The following GRIP1 variants were observed in gnomAD, a reference collection of about 807,000 sequenced individuals.
GRIP1 encodes glutamate receptor-interacting protein 1.
GRIP1 carries 45 observed loss-of-function variants against 129.9 expected under a neutral mutation model. The ratio of observed to expected loss-of-function variants is 0.35; its 90% CI spans 0.27 to 0.44. GRIP1 has a LOEUF of 0.44. Ranked by LOEUF, GRIP1 falls within the 20% of genes least tolerant of loss-of-function variation. The probability of loss-of-function intolerance (pLI) is 1.00; values close to 1 mark genes in which losing one functional copy is unlikely to be tolerated. For synonymous variants in GRIP1, 530 were observed against 520.8 expected, an observed-to-expected ratio of 1.02 and a Z score of -0.24; for missense variants, 1,196 against 1,396.8, an observed-to-expected ratio of 0.86 and a Z score of 2.29.
At chr12:66,698,984 G>A (rs941108484) in intron 1 of GRIP1, among the ~76,000 whole-genome samples, 3 of 152,148 alleles carry the variant, frequency 2.0e-5, no homozygotes, top group Non-Finnish European at 4.4e-5. Flanking sequence ...AGCAGGCTCA[G>A]TAAATGCCAG....
upstream of GRIP1, among the ~76,000 whole-genome samples, chr12:66,679,974 C>G (rs2034521152): frequency 6.6e-6 from 1 of 152,110 alleles, no homozygotes; most frequent in African/African-American, 2.4e-5. Context: ...CCAGCAGCAG[C>G]CTGCTCGCCA....
intron 1 of GRIP1, among the ~76,000 whole-genome samples, chr12:66,759,650 TTGC>T (rs1384867505): frequency 6.6e-6 from 1 of 152,208 alleles, no homozygotes; most frequent in African/African-American, 2.4e-5. Context: ...TTTGAATGCT[TTGC>T]TGCTTAGAAG....
chr12:66,767,735 T>G (rs1191404052), intron 1 of GRIP1, among the ~76,000 whole-genome samples: 18 of 152,088 alleles, frequency 1.2e-4, no homozygotes, highest in Admixed American at 1.2e-3. Flanking sequence ...GTGACTCAAT[T>G]GAGATGTAGG....
At chr12:66,600,754 T>C (rs1353700022) in intron 1 of GRIP1, among the ~76,000 whole-genome samples, 3 of 152,228 alleles carry the variant, frequency 2.0e-5, no homozygotes, top group Non-Finnish European at 4.4e-5. Flanking sequence ...ATTATGATTT[T>C]CATAGCAGAC....
At chr12:66,497,864 C>T (rs1380627243) in intron 7 of GRIP1, among the ~76,000 whole-genome samples, 2 of 152,154 alleles carry the variant, frequency 1.3e-5, no homozygotes, top group African/African-American at 4.8e-5. Context: ...TGAAGAATCA[C>T]AAAAGAAGTG....
At chr12:66,842,932 C>A (rs1008688424) in intron 1 of GRIP1, among the ~76,000 whole-genome samples, 4 of 151,958 alleles carry the variant, frequency 2.6e-5, no homozygotes, top group Admixed American at 6.6e-5. Context: ...CTGTAGGACC[C>A]CTTGATATAA....
intron 2 of GRIP1, among the ~76,000 whole-genome samples, chr12:66,594,248 C>T (rs548759325): frequency 1.3e-5 from 2 of 151,952 alleles, no homozygotes; most frequent in African/African-American, 4.8e-5. Context: ...CATTGGTGCA[C>T]TTTTCTCTAG....
At chr12:66,573,828 G>A (rs1417538681) in intron 2 of GRIP1, among the ~76,000 whole-genome samples, 1 of 152,128 alleles carries the variant, frequency 6.6e-6, no homozygotes, top group Non-Finnish European at 1.5e-5. Flanking sequence ...AGAGCAACAG[G>A]TGCTGCCTCC....
chr12:66,419,317 C>G (rs528057503), intron 15 of GRIP1, among the ~76,000 whole-genome samples: 1 of 151,750 alleles, frequency 6.6e-6, no homozygotes, highest in South Asian at 2.1e-4. Context: ...GTGGGGGGGT[C>G]AGCGTGGGGA....
At position 66,678,932 on chromosome 12, in the gene GRIP1, T is replaced by A. The variant is rs193182230; in HGVS notation, c.-28A>T. The A allele has an allele frequency of 6.2e-7, 1 of 1,613,060 alleles. No individual in the cohort carries two copies. The highest frequency in any genetic ancestry group is 1.1e-5 in the South Asian group (1 of 91,070). ...TTGCTCACTGCTTTCTGTGGCAAAG[T>A]GTACTCAAGGCTCTCTGCTCTGGTG... On this transcript the variant is annotated 5_prime_UTR_variant, in exon 1 of 25. Coordinates refer to ENST00000359742, the MANE Select transcript of GRIP1 (RefSeq NM_001366722.1).
At chr12:66,516,387 C>T (rs1409045726) in intron 6 of GRIP1, among the ~76,000 whole-genome samples, 1 of 152,102 alleles carries the variant, frequency 6.6e-6, no homozygotes, top group Non-Finnish European at 1.5e-5. Flanking sequence ...AAAGTACAGC[C>T]AGGGTGGCCC....
At chr12:67,030,184 C>G (rs6581731) in intron 1 of GRIP1, among the ~76,000 whole-genome samples, 1 of 150,418 alleles carries the variant, frequency 6.6e-6, no homozygotes, top group Admixed American at 6.6e-5. Flanking sequence ...GCACTCCAGC[C>G]TGGGTAACAG....
Position 66,679,045 on chromosome 12 carries a change from T to C in GRIP1, c.-141A>G. On this transcript the variant is annotated 5_prime_UTR_variant, in exon 1 of 25. Transcript: ENST00000359742. ...GGGAGTGACAAAGCTTAATTCCTCT[T>C]GGCTGATGCAGAGGTCCGCTACATG... is the stretch of plus-strand genomic sequence containing the variant. 1 of 1,544,518 alleles carries C rather than the reference T, an allele frequency of 6.5e-7. No homozygotes were observed. Among genetic ancestry groups the C allele is most frequent in the Non-Finnish European group, 8.7e-7 (1 of 1,144,518 alleles).
At chr12:66,669,111 T>C (rs1390267379) in intron 1 of GRIP1, among the ~76,000 whole-genome samples, 1 of 152,092 alleles carries the variant, frequency 6.6e-6, no homozygotes, top group African/African-American at 2.4e-5. Context: ...CCCGGAGATC[T>C]TTAAAAATTG....
intron 9 of GRIP1, among the ~76,000 whole-genome samples, chr12:66,456,563 T>A (rs2058970047): frequency 6.6e-6 from 1 of 152,076 alleles, no homozygotes; most frequent in Admixed American, 6.5e-5. Flanking sequence ...CCAAGAATAA[T>A]GCATATCTTT....
At chr12:66,737,816 G>C (rs962272585) in intron 1 of GRIP1, among the ~76,000 whole-genome samples, 2 of 152,090 alleles carry the variant, frequency 1.3e-5, no homozygotes, top group Non-Finnish European at 2.9e-5. Context: ...ATACCACAAG[G>C]AATAAGGCAG....
chr12:66,433,376 T>C (rs976353314), intron 13 of GRIP1, among the ~76,000 whole-genome samples: 6 of 152,206 alleles, frequency 3.9e-5, no homozygotes, highest in Admixed American at 2.6e-4. Context: ...CTACATTAAA[T>C]GATCCTTTAG....
intron 1 of GRIP1, among the ~76,000 whole-genome samples, chr12:66,831,259 C>T (rs2039512387): frequency 6.6e-6 from 1 of 152,176 alleles, no homozygotes; most frequent in African/African-American, 2.4e-5. Context: ...GCTGTTTTAA[C>T]TCTACAAGGT....
intron 1 of GRIP1, among the ~76,000 whole-genome samples, chr12:66,652,601 C>T (rs185563581): frequency 1.6e-4 from 25 of 152,304 alleles, no homozygotes; most frequent in African/African-American, 6.0e-4. Context: ...TGAAAGTTAG[C>T]AGTTGGCACT....
Sources: gnomAD v4.1 joint callset for allele counts (sites outside exome capture counted in the v4.1 genomes callset) on GRCh38, gnomAD v4.1.1 for gene constraint, MANE v1.5 for transcripts, NCBI Gene and HGNC (gene_info 2026-07-23, HGNC 2026-07-21) for gene names.